ADGB: variants seen among roughly 807,000 people sequenced by gnomAD.
ADGB encodes calpain-7-like protein.
Under a neutral mutation model 210.5 loss-of-function variants are expected in ADGB, and 172 were observed. That is an observed-to-expected ratio of 0.82 (90% CI 0.72 to 0.93). ADGB has a LOEUF of 0.93. Among genes scored for constraint, ADGB ranks in the 40% least tolerant of loss-of-function variants. ADGB has a pLI of 0.00. For missense variants in ADGB, 2,025 were observed against 1,964.8 expected (o/e 1.03, Z -0.58); for synonymous variants, 658 against 662.7 (o/e 0.99, Z 0.11).
At chr6:146,666,103 A>C (rs1474070028) in intron 6 of ADGB, among the ~76,000 whole-genome samples, 1 of 152,096 alleles carries the variant, frequency 6.6e-6, no homozygotes, top group Non-Finnish European at 1.5e-5. Flanking sequence ...TTTCTGAAGA[A>C]AGGCACACAT....
At chr6:146,803,720 G>A (rs1778166227) in intron 35 of ADGB, 3 of 1,004,806 alleles carry the variant, frequency 3.0e-6, no homozygotes, top group Non-Finnish European at 4.6e-6. Context: ...AATCTCTTAA[G>A]TACCGGCGCC....
At chr6:146,720,558 T>A (rs1272089921) in intron 16 of ADGB, among the ~76,000 whole-genome samples, 2 of 152,192 alleles carry the variant, frequency 1.3e-5, no homozygotes, top group African/African-American at 4.8e-5. Context: ...ATTCTCACAC[T>A]GTTATAAAGA....
At chr6:146,783,257 A>C (rs980349322) in intron 30 of ADGB, among the ~76,000 whole-genome samples, 25 of 152,156 alleles carry the variant, frequency 1.6e-4, no homozygotes, top group Non-Finnish European at 3.7e-4. Flanking sequence ...GCTGAGTAGG[A>C]TGTCAGTACC....
At chr6:146,652,503 C>T (rs1775716448) in intron 3 of ADGB, among the ~76,000 whole-genome samples, 1 of 152,024 alleles carries the variant, frequency 6.6e-6, no homozygotes, top group Admixed American at 6.6e-5. Flanking sequence ...AAACCTGATT[C>T]TCTAATCAAA....
chr6:146,698,420 T>C (rs2114540949), intron 12 of ADGB, among the ~76,000 whole-genome samples: 1 of 152,352 alleles, frequency 6.6e-6, no homozygotes, highest in Non-Finnish European at 1.5e-5. Flanking sequence ...GTGTTCATTG[T>C]GCTTTCCTAC....
At chr6:146,721,044 T>A (rs1471675220) in intron 16 of ADGB, among the ~76,000 whole-genome samples, 1 of 152,202 alleles carries the variant, frequency 6.6e-6, no homozygotes, top group East Asian at 1.9e-4. Context: ...TCTATGGCCT[T>A]CCTGCCCATC....
At chr6:146,651,004 A>G (rs1238128051) in intron 3 of ADGB, among the ~76,000 whole-genome samples, 1 of 152,196 alleles carries the variant, frequency 6.6e-6, no homozygotes, top group Non-Finnish European at 1.5e-5. Context: ...GCGACAGAGG[A>G]TTTTTAGGTG....
intron 26 of ADGB, among the ~76,000 whole-genome samples, chr6:146,746,844 A>G (rs1230877357): frequency 6.6e-6 from 1 of 152,104 alleles, no homozygotes; most frequent in Non-Finnish European, 1.5e-5. Flanking sequence ...GGAACTAACA[A>G]CCACCTCCTG....
Position 146,721,562 on chromosome 6 carries a change from G to GAA in ADGB, c.2095+57_2095+58insAA, listed in dbSNP as rs6149842. 360 of 1,078,018 alleles carry GAA rather than the reference G, an allele frequency of 3.3e-4. 3 individuals are homozygous for GAA. Among genetic ancestry groups the GAA allele is most frequent in the Non-Finnish European group, 3.9e-4 (283 of 727,620 alleles). 66.8% of individuals were successfully genotyped at this position (1,078,018 alleles called of 1,614,324 possible). On this transcript the variant is annotated intron_variant, in intron 17 of 35. Coordinates refer to ENST00000397944, the MANE Select transcript of ADGB (RefSeq NM_024694.4). ...AAGCCTAGATCATGTTCAGGCTAGG[G>GAA]CGTGGTGGCTCACGCCTGTAATCCC...
chr6:146,662,092 C>T (rs62434361), intron 5 of ADGB, among the ~76,000 whole-genome samples: 54,923 of 151,924 alleles, frequency 0.36, 11,199 homozygotes, highest in East Asian at 0.52. Flanking sequence ...AGTTGGAATT[C>T]GATCTGTCTG....
chr6:146,623,712 C>T (rs1780932519), intron 1 of ADGB, among the ~76,000 whole-genome samples: 1 of 151,910 alleles, frequency 6.6e-6, no homozygotes. Context: ...AGTATGATGT[C>T]AGTTCCAGGT....
At chr6:146,752,043 C>G (rs150829407) in intron 26 of ADGB, among the ~76,000 whole-genome samples, 17 of 152,010 alleles carry the variant, frequency 1.1e-4, no homozygotes, top group African/African-American at 3.1e-4. Flanking sequence ...TCCTTACTGT[C>G]TTAGTCTGTT....
intron 9 of ADGB, 112 bp from the exon 10 acceptor site, chr6:146,685,622 T>C (rs1019785956): frequency 5.9e-6 from 3 of 510,150 alleles, no homozygotes; most frequent in African/African-American, 2.0e-5. Flanking sequence ...TTTATGTATT[T>C]TTCACCAGCC....
At chr6:146,683,518 T>C (rs1420284152) in intron 9 of ADGB, among the ~76,000 whole-genome samples, 2 of 152,134 alleles carry the variant, frequency 1.3e-5, no homozygotes, top group Non-Finnish European at 2.9e-5. Flanking sequence ...CACCCTTAAC[T>C]AAACACTTGT....
At chr6:146,795,694 G>A (rs1377332421) in intron 33 of ADGB, among the ~76,000 whole-genome samples, 1 of 152,118 alleles carries the variant, frequency 6.6e-6, no homozygotes, top group East Asian at 1.9e-4. Flanking sequence ...TACATTGTTG[G>A]TGGGAGTGTA....
chr6:146,692,328 T>C (rs150756690), intron 11 of ADGB, among the ~76,000 whole-genome samples: 35 of 152,298 alleles, frequency 2.3e-4, no homozygotes, highest in African/African-American at 7.7e-4. Flanking sequence ...CCTTTAGGAA[T>C]ATCCACAACA....
Position 146,644,882 on chromosome 6 carries a change from T to C in ADGB, c.330+17T>C. On this transcript the variant is annotated intron_variant, in intron 3 of 35. Transcript: ENST00000397944. ...TTTAGTCAGGTAAGAAAGTTTTTTC[T>C]ATTAAATAAAATACTTACTATGTGG... The C allele has an allele frequency of 2.8e-6, 4 of 1,407,622 alleles. No individual in the cohort carries two copies. In the Admixed American group the frequency reaches 8.7e-5, roughly 31 times the overall value. 87.2% of individuals were successfully genotyped at this position (1,407,622 alleles called of 1,614,324 possible).
intron 27 of ADGB, among the ~76,000 whole-genome samples, chr6:146,761,175 A>G (rs1212265144): frequency 1.3e-5 from 2 of 152,012 alleles, no homozygotes; most frequent in Non-Finnish European, 2.9e-5. Flanking sequence ...ATCTAGGATC[A>G]TGAATATTTT....
chr6:146,806,799 G>A (rs1778218578), intron 35 of ADGB, among the ~76,000 whole-genome samples: 1 of 152,210 alleles, frequency 6.6e-6, no homozygotes, highest in Non-Finnish European at 1.5e-5. Context: ...AGCAGCTGGT[G>A]AGACAGAAGA....
Sources: allele counts gnomAD v4.1 joint callset (sites outside exome capture counted in the v4.1 genomes callset), GRCh38; gene constraint gnomAD v4.1.1; transcripts MANE v1.5; gene names NCBI Gene and HGNC (gene_info 2026-07-23, HGNC 2026-07-21).